SMAD1: variants seen among roughly 807,000 people sequenced by gnomAD.
The protein encoded by SMAD1 is SMAD family member 1, also known as MAD, mothers against decapentaplegic homolog 1.
In SMAD1, 6 loss-of-function variants were observed where a neutral mutation model predicts 41.6. The observed-to-expected ratio is 0.14, with a 90% confidence interval of 0.08 to 0.28. The LOEUF (loss-of-function observed/expected upper bound fraction) is 0.28, where lower values mean the gene tolerates loss of function less well. SMAD1 is among the 10% of genes least tolerant of loss of function. SMAD1 has a pLI of 1.00. For missense variants in SMAD1, 379 were observed against 582.6 expected, an observed-to-expected ratio of 0.65 and a Z score of 3.60; for synonymous variants, 206 against 203.2, an observed-to-expected ratio of 1.01 and a Z score of -0.12.
intron 1 of SMAD1, among the ~76,000 whole-genome samples, chr4:145,486,745 A>G (rs542079479): frequency 6.6e-6 from 1 of 152,256 alleles, no homozygotes; most frequent in Admixed American, 6.5e-5. Context: ...TGCTTTAAAG[A>G]TTTTCTAATC....
At chr4:145,486,007 GA>G (rs1248596244) in intron 1 of SMAD1, among the ~76,000 whole-genome samples, 5 of 152,192 alleles carry the variant, frequency 3.3e-5, no homozygotes, top group African/African-American at 1.2e-4. Flanking sequence ...TCCAACTCTA[GA>G]AACTCCATCT....
chr4:145,529,516 TAAG>T (rs903801869), intron 2 of SMAD1, among the ~76,000 whole-genome samples: 2 of 152,232 alleles, frequency 1.3e-5, no homozygotes, highest in African/African-American at 2.4e-5. Context: ...TTCATACAGC[TAAG>T]ACCGTGGGCT....
At chr4:145,505,428 A>G (rs1729713377) in intron 1 of SMAD1, among the ~76,000 whole-genome samples, 1 of 152,142 alleles carries the variant, frequency 6.6e-6, no homozygotes, top group Non-Finnish European at 1.5e-5. Flanking sequence ...GTATTGTGAA[A>G]TAGTTTCATA....
chr4:145,546,658 C>G (rs1306556472), intron 4 of SMAD1, 45 bp from the exon 5 acceptor site: 1 of 1,408,748 alleles, frequency 7.1e-7, no homozygotes, highest in Non-Finnish European at 1.0e-6. Flanking sequence ...TTTTTGAGAG[C>G]CTGAGGCACT....
rs1236843139 is a variant in SMAD1 at position 145,482,280 on chromosome 4, C to A, written c.-177+242C>A. Among the ~76,000 whole-genome samples the A allele has an allele frequency of 6.6e-6, 1 of 151,196 alleles. No individual in the cohort carries two copies. The highest frequency in any genetic ancestry group is 2.0e-4 in the East Asian group (1 of 5,078). On this transcript the variant is annotated intron_variant, in intron 1 of 6. Coordinates refer to ENST00000302085, the MANE Select transcript of SMAD1 (RefSeq NM_005900.3). The surrounding 1 kb of genome is among the most constrained non-coding windows in gnomAD (Gnocchi z 4.2). ...GCTCGGAGGAGCGAACCTGCTACCACGTCTTCTCGCGCCCAGCCCGCCGGG... is the reference window on the plus strand; with the variant it reads ...GCTCGGAGGAGCGAACCTGCTACCAAGTCTTCTCGCGCCCAGCCCGCCGGG...
At chr4:145,543,961 TAGG>T (rs1470569939) in intron 4 of SMAD1, among the ~76,000 whole-genome samples, 1 of 152,202 alleles carries the variant, frequency 6.6e-6, no homozygotes, top group Admixed American at 6.5e-5. Context: ...CTTATTAAAA[TAGG>T]AGTTGCTTAT....
At position 145,492,192 on chromosome 4, in the gene SMAD1, C is replaced by T. The variant is rs74882207; in HGVS notation, c.-177+10154C>T. Among the ~76,000 whole-genome samples the T allele has an allele frequency of 1.7e-4, 26 of 152,224 alleles. 1 individual carries two copies. In the East Asian group the frequency reaches 5.0e-3, roughly 29 times the overall value. On this transcript the variant is annotated intron_variant, in intron 1 of 6. Transcript: ENST00000302085. ...ATGTGTGTGGGTTTTTCGCTACACA[C>T]CAAACACTGGCTGGGCTGGGTGTCT... is the stretch of plus-strand genomic sequence containing the variant.
At chr4:145,544,625 C>T (rs550562875) in intron 4 of SMAD1, 2 of 151,714 alleles carry the variant, frequency 1.3e-5, no homozygotes, top group African/African-American at 4.8e-5. Flanking sequence ...ACTCAAAGGA[C>T]CTTTCTTGGA....
chr4:145,539,973 C>G lies in SMAD1; in HGVS notation c.570C>G (p.Ser190Arg), dbSNP rs1294280347. Reference sequence around the variant, plus strand: ...ACCCGTTTCCTCACTCTCCCAATAGCAGTTACCCAAACTCTCCTGGGAGCA... The same window carrying G: ...ACCCGTTTCCTCACTCTCCCAATAGGAGTTACCCAAACTCTCCTGGGAGCA... ...NSHPFPHSPN[S>R]SYPNSPGSSS... The change falls in exon 3 of 7, where the codon AGC (serine) becomes AGG (arginine). Residue 190 changes from serine (S) to arginine (R), a missense_variant. By Grantham distance (110) the Ser-to-Arg change is moderately radical. Coordinates refer to ENST00000302085, the MANE Select transcript of SMAD1 (RefSeq NM_005900.3). 6.2e-7 allele frequency: 1 copy of G among 1,613,970 alleles called. No individual in the cohort carries two copies. Among genetic ancestry groups the G allele is most frequent in the African/African-American group, 1.3e-5 (1 of 74,902 alleles).
chr4:145,519,087 G>GT (rs1294064815), intron 2 of SMAD1, among the ~76,000 whole-genome samples: 2 of 75,900 alleles, frequency 2.6e-5, no homozygotes, highest in African/African-American at 4.1e-5. Flanking sequence ...TGTTTGGTTG[G>GT]CTTTTTTTTT....
At chr4:145,536,271 T>C (rs1731608744) in intron 2 of SMAD1, among the ~76,000 whole-genome samples, 1 of 152,044 alleles carries the variant, frequency 6.6e-6, no homozygotes, top group African/African-American at 2.4e-5. Flanking sequence ...GTGGCTCCAG[T>C]AGACATACAG....
At chr4:145,524,351 CTTAAATGCA>C (rs2126457785) in intron 2 of SMAD1, among the ~76,000 whole-genome samples, 1 of 151,842 alleles carries the variant, frequency 6.6e-6, no homozygotes, top group South Asian at 2.1e-4. Flanking sequence ...AGCAACTGTT[CTTAAATGCA>C]TTTGTGGCAT....
At chr4:145,521,303 A>C (rs1483711914) in intron 2 of SMAD1, among the ~76,000 whole-genome samples, 1 of 152,046 alleles carries the variant, frequency 6.6e-6, no homozygotes, top group East Asian at 1.9e-4. Context: ...AAATGCCTTA[A>C]TGGAGATTAC....
intron 2 of SMAD1, among the ~76,000 whole-genome samples, chr4:145,535,287 C>G (rs1451025896): frequency 6.6e-6 from 1 of 152,150 alleles, no homozygotes; most frequent in South Asian, 2.1e-4. Flanking sequence ...TTGACAATAA[C>G]AAAGTTATAT....
intron 5 of SMAD1, among the ~76,000 whole-genome samples, chr4:145,552,703 T>A (rs1732617067): frequency 6.6e-6 from 1 of 152,196 alleles, no homozygotes; most frequent in Non-Finnish European, 1.5e-5. Flanking sequence ...TTCCAGTTCC[T>A]CTCTTCTCTT....
chr4:145,541,979 C>T (rs1731971278), intron 3 of SMAD1, among the ~76,000 whole-genome samples: 1 of 152,202 alleles, frequency 6.6e-6, no homozygotes, highest in Non-Finnish European at 1.5e-5. Flanking sequence ...TAGGAGATAG[C>T]TGTGATAAAC....
intron 1 of SMAD1, among the ~76,000 whole-genome samples, chr4:145,505,357 T>G (rs1729708517): frequency 6.6e-6 from 1 of 152,210 alleles, no homozygotes; most frequent in African/African-American, 2.4e-5. Context: ...CCAGTTAATA[T>G]TGATCACTTT....
intron 1 of SMAD1, chr4:145,484,641 A>G (rs564832847): frequency 1.3e-4 from 20 of 152,342 alleles, no homozygotes; most frequent in African/African-American, 4.6e-4. Flanking sequence ...AAAATTTAAG[A>G]TAAATGCAGA....
Position 145,545,525 on chromosome 4 carries a change from G to T in SMAD1, c.776-1178G>T, listed in dbSNP as rs539459666. ...ATGTAAAGCGACTAACTTATGTGTG[G>T]GTTTTTTCATGAGTATTTTCCTTGT... On this transcript the variant is annotated intron_variant, in intron 4 of 6. Coordinates refer to ENST00000302085, the MANE Select transcript of SMAD1 (RefSeq NM_005900.3). The T allele has an allele frequency of 1.1e-4, 16 of 139,554 alleles. No individual in the cohort carries two copies. The East Asian group carries it at 3.1e-3, about 27-fold the overall frequency. The allele number at this position is 139,554 out of a possible 1,614,324, so 8.6% of individuals were successfully genotyped here.
Sources: allele counts gnomAD v4.1 joint callset (sites outside exome capture counted in the v4.1 genomes callset), GRCh38; gene constraint gnomAD v4.1.1; non-coding constraint Gnocchi (gnomAD v3.1); transcripts MANE v1.5; gene names NCBI Gene and HGNC (gene_info 2026-07-23, HGNC 2026-07-21).